Variants in PTDSS2 observed in about 807,000 individuals in gnomAD.
PTDSS2 encodes the protein phosphatidylserine synthase 2.
In PTDSS2, 41 loss-of-function variants were observed where a neutral mutation model predicts 64.7. That is an observed-to-expected ratio of 0.63 (90% CI 0.49 to 0.82). The LOEUF (loss-of-function observed/expected upper bound fraction) is 0.82. Among genes scored for constraint, PTDSS2 ranks in the 40% least tolerant of loss-of-function variants. The probability of loss-of-function intolerance (pLI) is 0.00; values close to 1 mark genes in which losing one functional copy is unlikely to be tolerated. For missense variants in PTDSS2, 485 were observed against 650.0 expected, an observed-to-expected ratio of 0.75 and a Z score of 2.76; for synonymous variants, 297 against 277.8, an observed-to-expected ratio of 1.07 and a Z score of -0.69.
At position 460,047 on chromosome 11, in the gene PTDSS2, G is replaced by A. The variant is rs1277931672; in HGVS notation, c.183-140G>A. On this transcript the variant is annotated intron_variant, in intron 1 of 11. Transcript: ENST00000308020. This position sits in a 1 kb window ranked among gnomAD's most constrained non-coding sequence, Gnocchi z 5.8. ...CTCGGAGTTACCCAGCTAGGGACTC[G>A]CAGCCAGTTGCTGGTTGGGAGTTGG... 4 of 661,214 alleles carry A rather than the reference G, an allele frequency of 6.0e-6. No homozygotes were observed. Among genetic ancestry groups the A allele is most frequent in the African/African-American group, 3.6e-5 (2 of 55,604 alleles). The allele number at this position is 661,214 out of a possible 1,614,324, so 41.0% of individuals were successfully genotyped here.
At position 470,295 on chromosome 11, in the gene PTDSS2, C is replaced by T. The variant is rs534301026; in HGVS notation, c.285-3600C>T. Among the ~76,000 whole-genome samples, 78 of 152,316 alleles carry T rather than the reference C, an allele frequency of 5.1e-4. No individual in the cohort carries two copies. Among genetic ancestry groups the T allele is most frequent in the Middle Eastern group, 3.4e-3 (1 of 294 alleles). Reference sequence around the variant, plus strand: ...TGCTGCCCCATCCTCCCAACCCCGACGACCCCAGCCCGGCCATGCAGAGGC... The same window carrying T: ...TGCTGCCCCATCCTCCCAACCCCGATGACCCCAGCCCGGCCATGCAGAGGC... On this transcript the variant is annotated intron_variant, in intron 2 of 11. Transcript: ENST00000308020. The surrounding 1 kb of genome is among the most constrained non-coding windows in gnomAD (Gnocchi z 5.3).
chr11:467,138 C>T (rs1847182787), intron 2 of PTDSS2, among the ~76,000 whole-genome samples: 1 of 152,084 alleles, frequency 6.6e-6, no homozygotes, highest in African/African-American at 2.4e-5. Flanking sequence ...TTGCAGTGAG[C>T]CGAGATGGGG....
chr11:459,476 C>T (rs1292281039), intron 1 of PTDSS2: 1 of 152,862 alleles, frequency 6.5e-6, no homozygotes, highest in Non-Finnish European at 1.5e-5. Flanking sequence ...GATGTAGGAA[C>T]TAGGTCTCTG....
Position 490,660 on chromosome 11 carries a change from C to T in PTDSS2, c.*78C>T. The T allele has an allele frequency of 1.4e-6, 2 of 1,412,396 alleles. No individual in the cohort carries two copies. Among genetic ancestry groups the T allele is most frequent in the Admixed American group, 4.8e-5 (2 of 41,822 alleles). 87.5% of individuals were successfully genotyped at this position (1,412,396 alleles called of 1,614,324 possible). The stretch of plus-strand genomic sequence containing the variant: ...CCTCCTGTGTGAGTCCCACCAGGAG[C>T]CACGTGCCCGGCCTTGCCCTCAAGG... On this transcript the variant is annotated 3_prime_UTR_variant, in exon 12 of 12. Coordinates refer to ENST00000308020, the MANE Select transcript of PTDSS2 (RefSeq NM_030783.3).
intron 3 of PTDSS2, among the ~76,000 whole-genome samples, chr11:474,973 T>G (rs1396357204): frequency 4.6e-5 from 7 of 151,880 alleles, no homozygotes; most frequent in African/African-American, 1.7e-4. Context: ...TATGGACATG[T>G]TCACGCGTTT....
Position 489,652 on chromosome 11 carries a change from A to G in PTDSS2, c.1034A>G (p.Tyr345Cys). Residue 345 changes from tyrosine to cysteine, a missense_variant, in exon 10 of 12, where the codon TAC (tyrosine) becomes TGC (cysteine). Coordinates refer to ENST00000308020, the MANE Select transcript of PTDSS2 (RefSeq NM_030783.3). ...KFVLWMPPEHYLVLLRLVFFV... is the reference protein window; with the variant it reads ...KFVLWMPPEHCLVLLRLVFFV... ...GTGCTGTGGATGCCCCCGGAGCACT[A>G]CCTGGTCCTCCTGCGGCTCGTCTTC... The G allele has an allele frequency of 6.2e-7, 1 of 1,600,996 alleles. No individual in the cohort carries two copies. The highest frequency in any genetic ancestry group is 8.5e-7 in the Non-Finnish European group (1 of 1,173,822).
At chr11:449,229 G>C (rs1442050918), upstream of PTDSS2, among the ~76,000 whole-genome samples, 1 of 152,154 alleles carries the variant, frequency 6.6e-6, no homozygotes, top group East Asian at 1.9e-4. Flanking sequence ...CACAATGCCA[G>C]GGCAATTTTT....
In PTDSS2 at chr11:450,606, G is replaced by C; in HGVS notation, c.151G>C (p.Val51Leu). 8.0e-7 allele frequency: 1 copy of C among 1,243,742 alleles called. No individual in the cohort carries two copies. Among genetic ancestry groups the C allele is most frequent in the Non-Finnish European group, 1.0e-6 (1 of 986,352 alleles). The allele number at this position is 1,243,742 out of a possible 1,614,324, so 77.0% of individuals were successfully genotyped here. A position where few individuals can be genotyped will look rare whatever the true frequency, so the allele number is the denominator to read the frequency against. ...GEGRRSTESEVYDDGTNTFFW... is the reference protein window; with the variant it reads ...GEGRRSTESELYDDGTNTFFW... ...GGGCCGCCGCAGCACCGAGTCCGAG[G>C]TCTACGACGACGGCACCAACACCTT... The change falls in exon 1 of 12, where the codon GTC becomes CTC. Residue 51 changes from valine (V) to leucine (L), a missense_variant. Physicochemically the swap from Val to Leu is conservative, Grantham distance 32. Around this residue, in one of 3 missense-constraint regions of PTDSS2, gnomAD observed 251 missense variants for 348.0 expected, o/e 0.72. Coordinates refer to ENST00000308020, the MANE Select transcript of PTDSS2 (RefSeq NM_030783.3).
rs576667452 is a variant in PTDSS2 at position 489,867 on chromosome 11, C to T, written c.1116-16C>T. ...CTGCGGGGCCCGGGACGCTGAACCC[C>T]CTGCTGCCCCTGCAGGAAGCCCCAC... On this transcript the variant is annotated splice_polypyrimidine_tract_variant and intron_variant, in intron 10 of 11. Transcript: ENST00000308020. 1 of 1,568,270 alleles carries T rather than the reference C, an allele frequency of 6.4e-7. No individual in the cohort carries two copies. The highest frequency in any genetic ancestry group is 2.3e-5 in the East Asian group (1 of 42,972).
Position 460,519 on chromosome 11 carries a change from T to G in PTDSS2, c.284+231T>G. 1 of 527,286 alleles carries G rather than the reference T, an allele frequency of 1.9e-6. No individual in the cohort carries two copies. Among genetic ancestry groups the G allele is most frequent in the Non-Finnish European group, 3.4e-6 (1 of 290,896 alleles). The allele number at this position is 527,286 out of a possible 1,614,324, so 32.7% of individuals were successfully genotyped here. Reference sequence around the variant, plus strand: ...CGCCTGTCACTGGGAGCCAGGAGTCTGTGTCATCTCCACGTGACCGGCAGC... The same window carrying G: ...CGCCTGTCACTGGGAGCCAGGAGTCGGTGTCATCTCCACGTGACCGGCAGC... On this transcript the variant is annotated intron_variant, in intron 2 of 11. Coordinates refer to ENST00000308020, the MANE Select transcript of PTDSS2 (RefSeq NM_030783.3). The surrounding 1 kb of genome is among the most constrained non-coding windows in gnomAD (Gnocchi z 5.8).
At chr11:458,186 T>C (rs1288762410) in intron 1 of PTDSS2, among the ~76,000 whole-genome samples, 2 of 152,092 alleles carry the variant, frequency 1.3e-5, no homozygotes, top group Non-Finnish European at 2.9e-5. Context: ...TCTTTATAAA[T>C]TCTGGATAAA....
At chr11:452,401 C>G (rs1846376365) in intron 1 of PTDSS2, among the ~76,000 whole-genome samples, 1 of 152,242 alleles carries the variant, frequency 6.6e-6, no homozygotes. Flanking sequence ...GCGCAGCCCA[C>G]CCAGTACCAG....
At chr11:455,953 T>C (rs1846570672) in intron 1 of PTDSS2, among the ~76,000 whole-genome samples, 1 of 152,024 alleles carries the variant, frequency 6.6e-6, no homozygotes, top group Non-Finnish European at 1.5e-5. Flanking sequence ...TCCAGGAGGC[T>C]CCGGGCCCCA....
chr11:479,019 TG>T lies in PTDSS2; in HGVS notation c.368-62del. 7.2e-7 allele frequency: 1 copy of T among 1,387,622 alleles called. No individual in the cohort carries two copies. The allele number at this position is 1,387,622 out of a possible 1,614,324, so 86.0% of individuals were successfully genotyped here. A position where few individuals can be genotyped will look rare whatever the true frequency, so the allele number is the denominator to read the frequency against. ...GGTGTGAAGGAGCCAGGAGCCGGCC[TG>T]GGGCTGAGCGGGGCCGTGGAGGCCT... On this transcript the variant is annotated intron_variant, in intron 3 of 11. Transcript: ENST00000308020. The surrounding 1 kb of genome is among the most constrained non-coding windows in gnomAD (Gnocchi z 4.2).
chr11:486,241 G>C (rs1296469507), intron 4 of PTDSS2, among the ~76,000 whole-genome samples: 1 of 151,958 alleles, frequency 6.6e-6, no homozygotes, highest in Non-Finnish European at 1.5e-5. Context: ...GAAAGAGCAG[G>C]TTCCACAAGG....
At chr11:482,034 A>G (rs1848094701) in intron 4 of PTDSS2, among the ~76,000 whole-genome samples, 1 of 150,926 alleles carries the variant, frequency 6.6e-6, no homozygotes, top group East Asian at 2.0e-4. Flanking sequence ...TTTTTAGTAG[A>G]GACAGGGTTT....
At chr11:480,773 T>G (rs1848032797) in intron 4 of PTDSS2, among the ~76,000 whole-genome samples, 1 of 152,096 alleles carries the variant, frequency 6.6e-6, no homozygotes, top group South Asian at 2.1e-4. Context: ...GGTCTTGAAC[T>G]CCTGACCTCA....
chr11:488,461 T>C lies in PTDSS2; in HGVS notation c.736-68T>C, dbSNP rs1848506694. ...GGGCATTCTCGGTTCCCCTGTGCTCTTCCGGGGTCCTCCTCGGGGGGCTCG... is the reference window on the plus strand; with the variant it reads ...GGGCATTCTCGGTTCCCCTGTGCTCCTCCGGGGTCCTCCTCGGGGGGCTCG... On this transcript the variant is annotated intron_variant, in intron 7 of 11. Coordinates refer to ENST00000308020, the MANE Select transcript of PTDSS2 (RefSeq NM_030783.3). 2.1e-6 allele frequency: 3 copies of C among 1,440,122 alleles called. No individual in the cohort carries two copies. The Admixed American group carries it at 5.0e-5, about 24-fold the overall frequency. The allele number at this position is 1,440,122 out of a possible 1,614,324, so 89.2% of individuals were successfully genotyped here.
chr11:477,217 G>C (rs1169617730), intron 3 of PTDSS2, among the ~76,000 whole-genome samples: 3 of 152,212 alleles, frequency 2.0e-5, no homozygotes, highest in African/African-American at 7.2e-5. Flanking sequence ...GGAAACTTGA[G>C]TTGGCTGCAG....
Sources: gnomAD v4.1 joint callset for allele counts (sites outside exome capture counted in the v4.1 genomes callset) on GRCh38, gnomAD v4.1.1 for gene constraint, gnomAD v4.1.1 regional missense constraint, Gnocchi (gnomAD v3.1) non-coding constraint, MANE v1.5 for transcripts, NCBI Gene and HGNC (gene_info 2026-07-23, HGNC 2026-07-21) for gene names.